The following HEATR4 variants were observed in gnomAD, a reference collection of about 807,000 sequenced individuals.
HEATR4 encodes HEAT repeat containing 4, also known as HEAT repeat-containing protein 4.
HEATR4 carries 95 observed loss-of-function variants against 108.8 expected under a neutral mutation model. The ratio of observed to expected loss-of-function variants is 0.87; its 90% CI spans 0.74 to 1.04. HEATR4 has a LOEUF of 1.04. HEATR4 is among the 50% of genes least tolerant of loss of function. The probability of loss-of-function intolerance (pLI) is 0.00; values close to 1 mark genes in which losing one functional copy is unlikely to be tolerated. For missense variants in HEATR4, 1,152 were observed against 1,253.8 expected, an observed-to-expected ratio of 0.92 and a Z score of 1.23; for synonymous variants, 443 against 459.4, an observed-to-expected ratio of 0.96 and a Z score of 0.46.
intron 1 of HEATR4, among the ~76,000 whole-genome samples, chr14:73,554,722 A>G (rs1330731863): frequency 8.7e-6 from 1 of 115,510 alleles, no homozygotes; most frequent in Non-Finnish European, 1.9e-5. Context: ...TTTAAAATGA[A>G]TAATTGATTT....
At chr14:73,594,754 G>A in the HEATR4 span, among the ~76,000 whole-genome samples, 2 of 151,980 alleles carry the variant, frequency 1.3e-5, no homozygotes, top group Non-Finnish European at 2.9e-5. Context: ...AAGCTGGAGC[G>A]CAGTGGCGCA....
chr14:73,616,377 G>C, the HEATR4 span, among the ~76,000 whole-genome samples: 2 of 152,064 alleles, frequency 1.3e-5, no homozygotes, highest in African/African-American at 4.8e-5. Context: ...GAGTGCAGTG[G>C]TGTGACAATA....
At chr14:73,576,816 A>AAAAAAAAG in the HEATR4 span, among the ~76,000 whole-genome samples, 493 of 58,146 alleles carry the variant, frequency 8.5e-3, 116 homozygotes, top group African/African-American at 0.028. Context: ...AAAAAAAAAA[A>AAAAAAAAG]AAAAGACAAT....
chr14:73,551,035 T>TA (rs945999380), intron 1 of HEATR4, among the ~76,000 whole-genome samples: 1 of 113,666 alleles, frequency 8.8e-6, no homozygotes, highest in African/African-American at 2.9e-5. Flanking sequence ...CATGTGCCTG[T>TA]AGTCCCAGCT....
At chr14:73,594,737 G>A in the HEATR4 span, among the ~76,000 whole-genome samples, 1 of 151,930 alleles carries the variant, frequency 6.6e-6, no homozygotes, top group African/African-American at 2.4e-5. Context: ...GTCTCGCTTT[G>A]TCACCCAAGC....
intron 16 of HEATR4, among the ~76,000 whole-genome samples, chr14:73,494,166 C>G (rs2302041): frequency 6.6e-6 from 1 of 152,050 alleles, no homozygotes; most frequent in Non-Finnish European, 1.5e-5. Flanking sequence ...GAAGAAACTT[C>G]CCCAAATCTG....
intron 14 of HEATR4, 140 bp downstream of exon 14, chr14:73,498,015 G>A (rs1886203967): frequency 2.9e-6 from 2 of 695,524 alleles, no homozygotes; most frequent in Non-Finnish European, 4.8e-6. Flanking sequence ...TTACCTACTT[G>A]GGTGAGTGGT....
chr14:73,505,163 C>T (rs767881948), intron 10 of HEATR4, among the ~76,000 whole-genome samples: 7 of 152,076 alleles, frequency 4.6e-5, no homozygotes, highest in South Asian at 2.1e-4. Flanking sequence ...GTGATCCACC[C>T]GCCTCAGCCT....
intron 7 of HEATR4, among the ~76,000 whole-genome samples, chr14:73,509,809 CCCATAT>C (rs1212328405): frequency 0.021 from 109 of 5,180 alleles, 9 homozygotes; most frequent in Non-Finnish European, 0.024. Flanking sequence ...GCCCCATGAG[CCCATAT>C]ATATATATAT....
At chr14:73,569,736 G>A in the HEATR4 span, 2 of 1,609,438 alleles carry the variant, frequency 1.2e-6, no homozygotes, top group Non-Finnish European at 8.5e-7. Flanking sequence ...GCCCTTGGCC[G>A]TGGAGCTGGA....
At chr14:73,582,978 G>A in the HEATR4 span, 1 of 151,354 alleles carries the variant, frequency 6.6e-6, no homozygotes, top group Admixed American at 6.6e-5. Context: ...AAACCGAGCT[G>A]TCATATCAGC....
At chr14:73,487,167 A>G (rs1173151093) in intron 17 of HEATR4, among the ~76,000 whole-genome samples, 1 of 111,684 alleles carries the variant, frequency 9.0e-6, no homozygotes, top group African/African-American at 3.4e-5. Flanking sequence ...TTAAAAGGGA[A>G]TTCTATTGAT....
chr14:73,557,549 G>T lies in HEATR4; in HGVS notation c.-152+1202C>A, dbSNP rs1291985177. Among the ~76,000 whole-genome samples the T allele has an allele frequency of 1.7e-4, 13 of 76,992 alleles. 1 individual carries two copies. The highest frequency in any genetic ancestry group is 5.0e-4 in the Admixed American group (3 of 5,994). 50.5% of individuals were successfully genotyped at this position (76,992 alleles called of 152,430 possible). A position where few individuals can be genotyped will look rare whatever the true frequency, so the allele number is the denominator to read the frequency against. On this transcript the variant is annotated intron_variant, in intron 1 of 17. Coordinates refer to ENST00000553558, the MANE Select transcript of HEATR4 (RefSeq NM_001220484.1). ...GAAAGAAAAGACTAAAAAGCAATAA[G>T]CCTTAGTATCAGTATCTTCTGAAAG... is the stretch of plus-strand genomic sequence containing the variant.
chr14:73,537,830 G>C (rs762802173), intron 1 of HEATR4: 3 of 1,210,212 alleles, frequency 2.5e-6, no homozygotes, highest in African/African-American at 3.2e-5. Flanking sequence ...GGTGCGGCGC[G>C]AGCCGGTGCG....
At chr14:73,619,842 T>G in the HEATR4 span, 16 of 1,584,040 alleles carry the variant, frequency 1.0e-5, no homozygotes, top group Admixed American at 7.4e-5. Flanking sequence ...AAATATAACA[T>G]TGTAGCCACA....
chr14:73,598,732 G>A, the HEATR4 span, among the ~76,000 whole-genome samples: 1 of 152,132 alleles, frequency 6.6e-6, no homozygotes, highest in Non-Finnish European at 1.5e-5. Context: ...GCCAGGCATT[G>A]TGGCTTACAC....
chr14:73,531,004 A>G (rs1429069027), intron 1 of HEATR4: 1 of 96,484 alleles, frequency 1.0e-5, no homozygotes, highest in Non-Finnish European at 2.2e-5. Flanking sequence ...TAAGATCACC[A>G]TACTGCTTGG....
intron 1 of HEATR4, among the ~76,000 whole-genome samples, chr14:73,540,890 C>T (rs1262569015): frequency 3.6e-5 from 4 of 112,402 alleles, no homozygotes; most frequent in Admixed American, 2.0e-4. Flanking sequence ...TACAGGTGGC[C>T]GCCACCACAC....
chr14:73,514,443 A>C (rs996389091), intron 5 of HEATR4, among the ~76,000 whole-genome samples: 2 of 152,128 alleles, frequency 1.3e-5, no homozygotes, highest in African/African-American at 4.8e-5. Flanking sequence ...GTAAGCCATG[A>C]TGATGATGGG....
Sources: allele counts gnomAD v4.1 joint callset (sites outside exome capture counted in the v4.1 genomes callset), GRCh38; gene constraint gnomAD v4.1.1; transcripts MANE v1.5; gene names NCBI Gene and HGNC (gene_info 2026-07-23, HGNC 2026-07-21).